TBC1D8: variants seen among roughly 807,000 people sequenced by gnomAD.
TBC1D8 encodes TBC1 domain family member 8.
Under a neutral mutation model 118.8 loss-of-function variants are expected in TBC1D8, and 65 were observed. That is an observed-to-expected ratio of 0.55 (90% CI 0.45 to 0.67). The LOEUF (loss-of-function observed/expected upper bound fraction) is 0.67, where lower values mean the gene tolerates loss of function less well. TBC1D8 is among the 30% of genes least tolerant of loss of function. The pLI is 0.00. For synonymous variants in TBC1D8, 566 were observed against 595.8 expected (o/e 0.95, Z 0.73); for missense variants, 1,376 against 1,471.2 (o/e 0.94, Z 1.06).
intron 1 of TBC1D8, among the ~76,000 whole-genome samples, chr2:101,150,427 G>A (rs79969890): frequency 0.055 from 8,381 of 152,152 alleles, 341 homozygotes; most frequent in Non-Finnish European, 0.081. Flanking sequence ...GCAAGTTGGC[G>A]TCAATTTCAA....
At chr2:101,110,105 T>C in intron 1 of TBC1D8, 1 of 786,982 alleles carries the variant, frequency 1.3e-6, no homozygotes, top group Non-Finnish European at 1.5e-6. Flanking sequence ...GTTTTATAAT[T>C]AGGGCCCAAA....
intron 1 of TBC1D8, among the ~76,000 whole-genome samples, chr2:101,150,045 ACT>A (rs1679490082): frequency 6.6e-6 from 1 of 152,094 alleles, no homozygotes. Flanking sequence ...GTAAGTCTGC[ACT>A]CCTCTAACAA....
chr2:101,149,961 G>A (rs1679484174), intron 1 of TBC1D8, among the ~76,000 whole-genome samples: 1 of 152,142 alleles, frequency 6.6e-6, no homozygotes. Flanking sequence ...CCCCTTCCAT[G>A]GGGAACCCTC....
At position 101,091,347 on chromosome 2, in the gene TBC1D8, T is replaced by G. The variant is rs574540696; in HGVS notation, c.128-983A>C. Reference sequence around the variant, plus strand: ...TTTACAGACCATAAAGCACGAAATGTGAGTGCAGGATTAGCATTTTCCTGT... The same window carrying G: ...TTTACAGACCATAAAGCACGAAATGGGAGTGCAGGATTAGCATTTTCCTGT... On this transcript the variant is annotated intron_variant, in intron 1 of 19. Transcript: ENST00000409318. Among the ~76,000 whole-genome samples the G allele has an allele frequency of 3.2e-4, 49 of 152,174 alleles. 1 individual carries two copies. The highest frequency in any genetic ancestry group is 4.7e-4 in the Non-Finnish European group (32 of 68,010).
rs1260453653 is a variant in TBC1D8 at position 101,031,421 on chromosome 2, G to A, written c.1936+847C>T. On this transcript the variant is annotated intron_variant, in intron 11 of 19. Coordinates refer to ENST00000409318, the MANE Select transcript of TBC1D8 (RefSeq NM_001330348.2). ...TCCTTAGGACACAGTCTTCAAGGGCGCCTTCTTCCCGCCTTGCTCCTATAT... is the reference window on the plus strand; with the variant it reads ...TCCTTAGGACACAGTCTTCAAGGGCACCTTCTTCCCGCCTTGCTCCTATAT... Among the ~76,000 whole-genome samples the A allele has an allele frequency of 2.6e-5, 4 of 152,248 alleles. 1 individual carries two copies. Among genetic ancestry groups the A allele is most frequent in the Non-Finnish European group, 5.9e-5 (4 of 68,024 alleles).
intron 2 of TBC1D8, among the ~76,000 whole-genome samples, chr2:101,088,887 G>A (rs774179586): frequency 3.3e-5 from 5 of 151,730 alleles, no homozygotes; most frequent in African/African-American, 7.3e-5. Flanking sequence ...TCTTTCTACC[G>A]AGCATGCATC....
At chr2:101,060,621 A>G (rs1180044398) in intron 2 of TBC1D8, among the ~76,000 whole-genome samples, 1 of 152,060 alleles carries the variant, frequency 6.6e-6, no homozygotes, top group African/African-American at 2.4e-5. Flanking sequence ...CATCATCTCT[A>G]CTGGACAATG....
chr2:101,109,609 TA>T (rs879325302), intron 1 of TBC1D8, among the ~76,000 whole-genome samples: 23 of 149,122 alleles, frequency 1.5e-4, no homozygotes, highest in African/African-American at 3.2e-4. Context: ...AGCAGGGTCA[TA>T]AAAAAAAAAT....
At chr2:101,018,026 CAT>C in intron 17 of TBC1D8, 5 of 1,209,730 alleles carry the variant, frequency 4.1e-6, no homozygotes, top group Non-Finnish European at 5.8e-6. Context: ...GCTCATTCTA[CAT>C]ATCAACCCCT....
intron 1 of TBC1D8, among the ~76,000 whole-genome samples, chr2:101,143,235 G>A (rs1006928885): frequency 2.2e-4 from 34 of 151,864 alleles, no homozygotes; most frequent in African/African-American, 7.0e-4. Context: ...GCTTAGTTTT[G>A]TATTTTTAGT....
chr2:101,028,602 A>T, intron 12 of TBC1D8, 170 bp from the exon 13 acceptor site: 1 of 986,766 alleles, frequency 1.0e-6, no homozygotes, highest in Non-Finnish European at 1.4e-6. Context: ...GCAGTCATGA[A>T]GCCCGGCTTG....
Position 101,054,309 on chromosome 2 carries a change from T to A in TBC1D8, c.430A>T (p.Arg144Trp), listed in dbSNP as rs535147025. ...GGTTCCTCCTCCTGCTCGGCGAGCC[T>A]GCTGCTGGTCTCCTCGGCTATCAGA... ...KALIAEETSS[R>W]LAEQEEEPEK... is the part of the protein sequence containing the mutation. Residue 144 changes from arginine to tryptophan, a missense_variant, in exon 4 of 20, where the codon AGG becomes TGG. By Grantham distance (101) the Arg-to-Trp change is moderately radical. Transcript: ENST00000409318. 3.2e-6 allele frequency: 5 copies of A among 1,571,450 alleles called. No homozygotes were observed. The South Asian group carries it at 5.8e-5, about 18-fold the overall frequency.
intron 4 of TBC1D8, among the ~76,000 whole-genome samples, chr2:101,051,851 G>A (rs963553890): frequency 1.3e-5 from 2 of 152,178 alleles, no homozygotes; most frequent in African/African-American, 4.8e-5. Context: ...ACATTTATAT[G>A]CTGCTGGTAT....
At chr2:101,111,127 T>C (rs532440138) in intron 1 of TBC1D8, among the ~76,000 whole-genome samples, 5 of 152,270 alleles carry the variant, frequency 3.3e-5, no homozygotes, top group African/African-American at 1.2e-4. Flanking sequence ...ATTGGCAACA[T>C]GAGAAATCTA....
Position 101,028,370 on chromosome 2 carries a change from A to G in TBC1D8, c.2285T>C (p.Phe762Ser). ...GTAGGGCTCCTGGTCGTCGGAGAAA[A>G]AGGCATGGTGGCTGCCAACTGGGGG... Reference protein sequence around the residue: ...PGPPVGSHHAFFSDDQEPYPV... With the variant: ...PGPPVGSHHASFSDDQEPYPV... Residue 762 changes from phenylalanine to serine, a missense_variant, in exon 13 of 20, where the codon TTT becomes TCT. Coordinates refer to ENST00000409318, the MANE Select transcript of TBC1D8 (RefSeq NM_001330348.2). 2 of 1,612,042 alleles carry G rather than the reference A, an allele frequency of 1.2e-6. No individual in the cohort carries two copies. Among genetic ancestry groups the G allele is most frequent in the Non-Finnish European group, 8.5e-7 (1 of 1,179,074 alleles).
intron 1 of TBC1D8, among the ~76,000 whole-genome samples, chr2:101,144,478 G>A (rs746251764): frequency 6.6e-6 from 1 of 152,180 alleles, no homozygotes; most frequent in Non-Finnish European, 1.5e-5. Flanking sequence ...AGAGCAGAAG[G>A]GGGAAGAGAG....
chr2:101,115,090 A>G (rs1287643435), intron 1 of TBC1D8, among the ~76,000 whole-genome samples: 2 of 152,234 alleles, frequency 1.3e-5, no homozygotes, highest in Non-Finnish European at 2.9e-5. Flanking sequence ...TGTCCAAGAT[A>G]GAGACAAGGA....
chr2:101,125,186 T>C (rs1419128136), intron 1 of TBC1D8, among the ~76,000 whole-genome samples: 1 of 147,426 alleles, frequency 6.8e-6, no homozygotes, highest in Non-Finnish European at 1.5e-5. Context: ...AAGCAGCACC[T>C]ACAGAGCCCA....
intron 1 of TBC1D8, among the ~76,000 whole-genome samples, chr2:101,131,545 T>A (rs1267363143): frequency 1.3e-5 from 2 of 151,864 alleles, no homozygotes; most frequent in Non-Finnish European, 2.9e-5. Context: ...CCGGGTACAG[T>A]GGCTCACACC....
Sources: allele counts gnomAD v4.1 joint callset (sites outside exome capture counted in the v4.1 genomes callset), GRCh38; gene constraint gnomAD v4.1.1; transcripts MANE v1.5; gene names NCBI Gene and HGNC (gene_info 2026-07-23, HGNC 2026-07-21).